The following AP4B1 variants were observed in gnomAD, a reference collection of about 807,000 sequenced individuals.
AP4B1 encodes AP-4 complex subunit beta-1.
Under a neutral mutation model 76.5 loss-of-function variants are expected in AP4B1, and 49 were observed. The observed-to-expected ratio is 0.64, with a 90% confidence interval of 0.51 to 0.81. AP4B1 has a LOEUF of 0.81. Among genes scored for constraint, AP4B1 ranks in the 40% least tolerant of loss-of-function variants. The pLI, the probability that AP4B1 is intolerant of heterozygous loss-of-function variation, is 0.00. For synonymous variants in AP4B1, 330 were observed against 333.3 expected (o/e 0.99, Z 0.11); for missense variants, 911 against 904.9 (o/e 1.01, Z -0.09).
chr1:113,896,438 C>T lies in AP4B1; in HGVS notation c.1330G>A (p.Gly444Ser), dbSNP rs777418767. The change falls in exon 8 of 10, where the codon GGT (glycine) becomes AGT (serine). Residue 444 changes from glycine (G) to serine (S), a missense_variant. Physicochemically the swap from Gly to Ser is moderately conservative, Grantham distance 56. Coordinates refer to ENST00000369569, the MANE Select transcript of AP4B1 (RefSeq NM_001253852.3). ...TTAGGAATTCTTTCCCCATGGACACCAAGTAGCCAAATAAGTGCTTGCTTC... is the reference window on the plus strand; with the variant it reads ...TTAGGAATTCTTTCCCCATGGACACTAAGTAGCCAAATAAGTGCTTGCTTC... ...EGKQALIWLL[G>S]VHGERIPNAP... 12 of 1,614,148 alleles carry T rather than the reference C, an allele frequency of 7.4e-6. No homozygotes were observed. The highest frequency in any genetic ancestry group is 9.3e-6 in the Non-Finnish European group (11 of 1,180,022).
In AP4B1 at chr1:113,900,019, C is replaced by T; in HGVS notation, c.999G>A (p.Val333=). The change falls in exon 5 of 10, where the codon GTG becomes GTA. Residue 333 remains valine, a synonymous_variant. Transcript: ENST00000369569. ...CGTTCACCAGTTCACACAGCACCTC[C>T]ACTTTCTGTAGTTTGATGTAGTGGG... ...SEPHYIKLQK[V]EVLCELVNDE... is the part of the protein sequence containing the mutation. 6.2e-7 allele frequency: 1 copy of T among 1,614,136 alleles called. No individual in the cohort carries two copies. Among genetic ancestry groups the T allele is most frequent in the Non-Finnish European group, 8.5e-7 (1 of 1,179,982 alleles).
chr1:113,902,076 G>A (rs929839134), intron 2 of AP4B1, 191 bp from the exon 3 acceptor site: 8 of 703,278 alleles, frequency 1.1e-5, no homozygotes, highest in Non-Finnish European at 1.9e-5. Context: ...TTTCAAGATG[G>A]GGTCTCACTT....
rs1290464112 is a variant in AP4B1 at position 113,894,344 on chromosome 1, T to C, written c.*721A>G. 6.6e-6 allele frequency among the ~76,000 whole-genome samples: 1 copy of C among 152,180 alleles called. No homozygotes were observed. Among genetic ancestry groups the C allele is most frequent in the African/African-American group, 2.4e-5 (1 of 41,426 alleles). ...CTGCTAGAGGTATGCTCTGGCTACT[T>C]TGATAGCTTGAGGGAGGCCCCTAAT... On this transcript the variant is annotated 3_prime_UTR_variant, in exon 10 of 10. Coordinates refer to ENST00000369569, the MANE Select transcript of AP4B1 (RefSeq NM_001253852.3).
At position 113,896,245 on chromosome 1, in the gene AP4B1, C is replaced by G. The variant is rs1470091789; in HGVS notation, c.1510+13G>C. 1.2e-6 allele frequency: 2 copies of G among 1,613,892 alleles called. No individual in the cohort carries two copies. Among genetic ancestry groups the G allele is most frequent in the African/African-American group, 2.7e-5 (2 of 74,922 alleles). On this transcript the variant is annotated intron_variant, in intron 8 of 9. Transcript: ENST00000369569. Reference sequence around the variant, plus strand: ...GGGTCATGGCAAATACTATTTCCTTCTGAAAAACCCACCTATGCAGTAATA... The same window carrying G: ...GGGTCATGGCAAATACTATTTCCTTGTGAAAAACCCACCTATGCAGTAATA...
Position 113,894,482 on chromosome 1 carries a change from G to C in AP4B1, c.*583C>G, listed in dbSNP as rs1471434042. On this transcript the variant is annotated 3_prime_UTR_variant, in exon 10 of 10. Coordinates refer to ENST00000369569, the MANE Select transcript of AP4B1 (RefSeq NM_001253852.3). The stretch of plus-strand genomic sequence containing the variant: ...GATATGAGGGTGAGAAAATGTTCCA[G>C]GCAATAAATAAAAGCAGGTTTAAGT... Among the ~76,000 whole-genome samples, 1 of 152,106 alleles carries C rather than the reference G, an allele frequency of 6.6e-6. No homozygotes were observed. Among genetic ancestry groups the C allele is most frequent in the Non-Finnish European group, 1.5e-5 (1 of 68,018 alleles).
At position 113,899,798 on chromosome 1, in the gene AP4B1, G is replaced by A. The variant is rs569651928; in HGVS notation, c.1114+106C>T. 1.0e-5 allele frequency: 16 copies of A among 1,572,046 alleles called. No individual in the cohort carries two copies. The South Asian group carries it at 1.7e-4, about 16-fold the overall frequency. On this transcript the variant is annotated intron_variant, in intron 5 of 9. Transcript: ENST00000369569. ...CCAATTATTTAGTGCATAGTACTTT[G>A]CTTCTGAAGCAAGATTCATGCCCTT...
intron 9 of AP4B1, 49 bp from the exon 10 acceptor site, chr1:113,895,541 G>T (rs780550414): frequency 6.2e-7 from 1 of 1,607,636 alleles, no homozygotes; most frequent in South Asian, 1.1e-5. Context: ...ATCTGTAGGA[G>T]CTAAGTTTTT....
Position 113,904,488 on chromosome 1 carries a change from A to C in AP4B1, c.113+117T>G, listed in dbSNP as rs1263091604. 4.2e-6 allele frequency: 4 copies of C among 958,102 alleles called. No individual in the cohort carries two copies. The African/African-American group carries it at 6.4e-5, about 15-fold the overall frequency. The allele number at this position is 958,102 out of a possible 1,614,324, so 59.4% of individuals were successfully genotyped here. A position where few individuals can be genotyped will look rare whatever the true frequency, so the allele number is the denominator to read the frequency against. On this transcript the variant is annotated intron_variant, in intron 1 of 9. Coordinates refer to ENST00000369569, the MANE Select transcript of AP4B1 (RefSeq NM_001253852.3). ...CTCCAAAGCAGCAGGACGAAGACCG[A>C]ACCATATAACTGCCACGTGTGAAAG... is the stretch of plus-strand genomic sequence containing the variant.
chr1:113,904,269 G>A (rs1668684646), intron 1 of AP4B1, among the ~76,000 whole-genome samples: 2 of 152,126 alleles, frequency 1.3e-5, no homozygotes, highest in African/African-American at 4.8e-5. Flanking sequence ...GGGCTATTTC[G>A]GACATACTTT....
rs1188738259 is a variant in AP4B1, at chr1:113,899,972, AGCACCTGCT to A, written c.1037_1045del (p.Gln346_Val348del). On this transcript the variant is annotated inframe_deletion, in exon 5 of 10. Transcript: ENST00000369569. The stretch of plus-strand genomic sequence containing the variant: ...CGTGCAGTACCCTCGAAGCTCCTCT[AGCACCTGCT>A]GCACATTCTCATCGTTCACCAGTTC... 2.0e-5 allele frequency: 32 copies of A among 1,614,076 alleles called. No individual in the cohort carries two copies. The highest frequency in any genetic ancestry group is 2.6e-5 in the Non-Finnish European group (31 of 1,180,028).
chr1:113,904,520 C>T (rs1668721287), intron 1 of AP4B1, 85 bp downstream of exon 1: 1 of 1,287,268 alleles, frequency 7.8e-7, no homozygotes, highest in Non-Finnish European at 1.1e-6. Context: ...AAAGCTAATT[C>T]ACCCTTTCAG....
At chr1:113,897,796 A>G (rs781170858) in intron 7 of AP4B1, 44 bp downstream of exon 7, 1 of 1,597,336 alleles carries the variant, frequency 6.3e-7, no homozygotes, top group Admixed American at 1.7e-5. Context: ...CAGGGTTTCA[A>G]GCATTCTCCC....
Position 113,898,787 on chromosome 1 carries a change from T to C in AP4B1, c.1129A>G (p.Thr377Ala). 6.2e-7 allele frequency: 1 copy of C among 1,609,030 alleles called. No individual in the cohort carries two copies. Among genetic ancestry groups the C allele is most frequent in the Non-Finnish European group, 8.5e-7 (1 of 1,179,904 alleles). The part of the protein sequence containing the change: ...AIFAIGGIAR[T>A]YTDQCVQILT... The stretch of plus-strand genomic sequence containing the variant: ...ATCTGAACACATTGATCTGTGTAAG[T>C]CCTGGCAATGCCACCTACAAAAGAA... Residue 377 changes from threonine (T) to alanine (A), a missense_variant, in exon 6 of 10, where the codon ACT (threonine) becomes GCT (alanine). Coordinates refer to ENST00000369569, the MANE Select transcript of AP4B1 (RefSeq NM_001253852.3).
In AP4B1 at chr1:113,895,961, T is replaced by C. The variant is rs769713892; in HGVS notation, c.1588A>G (p.Lys530Glu). The C allele has an allele frequency of 2.6e-5, 42 of 1,614,076 alleles. 1 individual carries two copies. In the South Asian group the frequency reaches 4.4e-4, roughly 17 times the overall value. The change falls in exon 9 of 10, where the codon AAG becomes GAG. Residue 530 changes from lysine to glutamate, a missense_variant. By Grantham distance (56) the Lys-to-Glu change is moderately conservative. Coordinates refer to ENST00000369569, the MANE Select transcript of AP4B1 (RefSeq NM_001253852.3). ...GATTTAGGGCTACACAGAATCCGCT[T>C]AACTTCATCAATGCCAACTAAGAGG... ...RLLLVGIDEV[K>E]RILCSPKSDP...
At chr1:113,901,640 A>G in intron 3 of AP4B1, 115 bp downstream of exon 3, 1 of 1,465,808 alleles carries the variant, frequency 6.8e-7, no homozygotes, top group Admixed American at 1.7e-5. Flanking sequence ...TCCTACTTAA[A>G]GAGATATGTA....
At chr1:113,897,596 A>G (rs1480686912) in intron 7 of AP4B1, 2 of 502,144 alleles carry the variant, frequency 4.0e-6, no homozygotes, top group Non-Finnish European at 7.2e-6. Context: ...GCAAAGCAAA[A>G]CAAAACAAAA....
intron 5 of AP4B1, chr1:113,899,071 C>G: frequency 7.9e-7 from 1 of 1,266,100 alleles, no homozygotes; most frequent in Non-Finnish European, 1.0e-6. Flanking sequence ...CTTATAGTAA[C>G]AAAGGTATTT....
chr1:113,898,692 A>C (rs763223463), intron 6 of AP4B1, 26 bp downstream of exon 6: 1 of 1,597,562 alleles, frequency 6.3e-7, no homozygotes, highest in Non-Finnish European at 8.5e-7. Flanking sequence ...CAAAAAAAAC[A>C]AAAATCCTAA....
upstream of AP4B1, chr1:113,904,839 C>G (rs1348106633): frequency 6.7e-6 from 6 of 902,176 alleles, no homozygotes; most frequent in African/African-American, 8.2e-5. Context: ...AAGGCGAGAT[C>G]TCGCCTCAGG....
Sources: gnomAD v4.1 joint callset for allele counts (sites outside exome capture counted in the v4.1 genomes callset) on GRCh38, gnomAD v4.1.1 for gene constraint, MANE v1.5 for transcripts, NCBI Gene and HGNC (gene_info 2026-07-23, HGNC 2026-07-21) for gene names.